Variants in CCDC171 observed in about 807,000 individuals in gnomAD.
CCDC171 encodes the protein coiled-coil domain-containing protein 171.
CCDC171 carries 177 observed loss-of-function variants against 168.2 expected under a neutral mutation model. The ratio of observed to expected loss-of-function variants is 1.05; its 90% CI spans 0.93 to 1.19. The LOEUF (loss-of-function observed/expected upper bound fraction) is 1.19. Among genes scored for constraint, CCDC171 ranks in the 50% most tolerant of loss-of-function variants. CCDC171 has a pLI of 0.00. For missense variants in CCDC171, 1,991 were observed against 1,539.0 expected (o/e 1.29, Z -4.91); for synonymous variants, 687 against 540.8 (o/e 1.27, Z -3.75).
intron 18 of CCDC171, among the ~76,000 whole-genome samples, chr9:15,746,334 C>T (rs987970778): frequency 6.6e-6 from 1 of 152,184 alleles, no homozygotes; most frequent in African/African-American, 2.4e-5. Context: ...AATTCTTAGA[C>T]AATTCCACTG....
chr9:15,923,769 C>G (rs1825602702), intron 25 of CCDC171, among the ~76,000 whole-genome samples: 1 of 151,366 alleles, frequency 6.6e-6, no homozygotes, highest in African/African-American at 2.4e-5. Flanking sequence ...GCAATTTCAT[C>G]TTGCAATTAA....
intron 24 of CCDC171, among the ~76,000 whole-genome samples, chr9:15,909,102 A>G (rs1016599051): frequency 6.6e-6 from 1 of 152,198 alleles, no homozygotes; most frequent in African/African-American, 2.4e-5. Context: ...TAAAAATAAT[A>G]AAGCTTATCC....
chr9:15,656,040 C>T (rs1389216487), intron 7 of CCDC171, among the ~76,000 whole-genome samples: 1 of 152,158 alleles, frequency 6.6e-6, no homozygotes, highest in East Asian at 1.9e-4. Flanking sequence ...TTCAATATGG[C>T]TGGGTGCGGT....
intron 21 of CCDC171, among the ~76,000 whole-genome samples, chr9:15,841,639 A>G (rs1158121864): frequency 1.3e-5 from 2 of 152,004 alleles, no homozygotes. Context: ...TTCCTCATAT[A>G]AAATATAAGA....
intron 21 of CCDC171, among the ~76,000 whole-genome samples, chr9:15,822,068 A>G (rs2059798482): frequency 6.6e-6 from 1 of 152,216 alleles, no homozygotes. Context: ...ACCTGAGAAA[A>G]ACAAGAAATG....
chr9:16,043,348 C>T (rs1405848408), intron 1 of CCDC171, among the ~76,000 whole-genome samples: 1 of 151,982 alleles, frequency 6.6e-6, no homozygotes, highest in Non-Finnish European at 1.5e-5. Context: ...TTTATTATGA[C>T]TATCATTTGT....
At chr9:15,698,627 G>C (rs1331709624) in intron 11 of CCDC171, among the ~76,000 whole-genome samples, 1 of 152,106 alleles carries the variant, frequency 6.6e-6, no homozygotes, top group Non-Finnish European at 1.5e-5. Context: ...ACAAATGACA[G>C]GGTTTCATTC....
chr9:15,797,272 A>G (rs1332868660), intron 21 of CCDC171, among the ~76,000 whole-genome samples: 3 of 152,140 alleles, frequency 2.0e-5, no homozygotes, highest in African/African-American at 7.2e-5. Context: ...GCTGGAGTGC[A>G]GTGGCGCTAT....
In CCDC171 at chr9:15,874,669, A is replaced by T; in HGVS notation, c.3600+6A>T. On this transcript the variant is annotated splice_donor_region_variant and intron_variant, in intron 24 of 25. Transcript: ENST00000380701. ...CAGAGGTGGTAGCATGCCAGGTTAGAGTCTAAATAACATTGTTTGCTACTG... is the reference window on the plus strand; with the variant it reads ...CAGAGGTGGTAGCATGCCAGGTTAGTGTCTAAATAACATTGTTTGCTACTG... The T allele has an allele frequency of 6.4e-7, 1 of 1,567,804 alleles. No homozygotes were observed. Among genetic ancestry groups the T allele is most frequent in the South Asian group, 1.2e-5 (1 of 83,648 alleles).
At chr9:15,680,572 A>T (rs1285934438) in intron 10 of CCDC171, among the ~76,000 whole-genome samples, 1 of 152,146 alleles carries the variant, frequency 6.6e-6, no homozygotes, top group Non-Finnish European at 1.5e-5. Context: ...CATTTATCTA[A>T]AGATGTTTGC....
chr9:15,590,947 T>C (rs1375062609), intron 4 of CCDC171, among the ~76,000 whole-genome samples: 6 of 151,830 alleles, frequency 4.0e-5, no homozygotes, highest in African/African-American at 1.5e-4. Context: ...ACTCCTAGGC[T>C]CAAGTGATCC....
Position 15,973,493 on chromosome 9 carries a change from C to T in CCDC171, c.*1657C>T, listed in dbSNP as rs983395901. On this transcript the variant is annotated 3_prime_UTR_variant, in exon 26 of 26. Transcript: ENST00000380701. ...TTACTGTCGTACTGTGTAACACATC[C>T]TATTCTTGTAATACTGAACCACTAT... 2 of 152,206 alleles carry T rather than the reference C, an allele frequency of 1.3e-5. No homozygotes were observed. The highest frequency in any genetic ancestry group is 1.9e-4 in the East Asian group (1 of 5,174). The allele number at this position is 152,206 out of a possible 1,614,324, so 9.4% of individuals were successfully genotyped here. A position where few individuals can be genotyped will look rare whatever the true frequency, so the allele number is the denominator to read the frequency against.
chr9:15,697,658 G>C (rs1370356200), intron 11 of CCDC171, among the ~76,000 whole-genome samples: 3 of 152,120 alleles, frequency 2.0e-5, no homozygotes, highest in Non-Finnish European at 4.4e-5. Context: ...AGTTGTGAGA[G>C]CATTATGTCA....
chr9:15,727,266 A>G (rs1396242358), intron 14 of CCDC171, among the ~76,000 whole-genome samples: 1 of 152,176 alleles, frequency 6.6e-6, no homozygotes, highest in African/African-American at 2.4e-5. Context: ...CATATCTTTC[A>G]TATCACTATC....
downstream of CCDC171, among the ~76,000 whole-genome samples, chr9:16,066,038 G>A (rs1175931081): frequency 6.6e-6 from 1 of 152,100 alleles, no homozygotes; most frequent in Non-Finnish European, 1.5e-5. Flanking sequence ...ACCCAATCTA[G>A]GTCCTTTCCG....
chr9:15,614,496 G>A (rs1489210915), intron 6 of CCDC171, among the ~76,000 whole-genome samples: 2 of 152,116 alleles, frequency 1.3e-5, no homozygotes, highest in Non-Finnish European at 2.9e-5. Context: ...CAAGTTTTTG[G>A]TTAATTTAAA....
At chr9:16,045,965 A>G (rs1428695137) in intron 1 of CCDC171, among the ~76,000 whole-genome samples, 1 of 152,162 alleles carries the variant, frequency 6.6e-6, no homozygotes, top group Non-Finnish European at 1.5e-5. Context: ...TCTTGAGCCT[A>G]TTAGGAGGGA....
At chr9:15,738,106 C>G (rs2054611580) in intron 16 of CCDC171, among the ~76,000 whole-genome samples, 1 of 152,134 alleles carries the variant, frequency 6.6e-6, no homozygotes, top group Non-Finnish European at 1.5e-5. Flanking sequence ...CATTGAATGT[C>G]CAGTGTGCAA....
At chr9:15,951,414 C>T (rs937005114) in intron 25 of CCDC171, among the ~76,000 whole-genome samples, 52 of 152,150 alleles carry the variant, frequency 3.4e-4, no homozygotes, top group African/African-American at 1.2e-3. Context: ...ATAATGTTTT[C>T]TACACTGTTG....
Sources: gnomAD v4.1 joint callset for allele counts (sites outside exome capture counted in the v4.1 genomes callset) on GRCh38, gnomAD v4.1.1 for gene constraint, MANE v1.5 for transcripts, NCBI Gene and HGNC (gene_info 2026-07-23, HGNC 2026-07-21) for gene names.